FHIT: variants seen among roughly 807,000 people sequenced by gnomAD.
The protein encoded by FHIT is fragile histidine triad diadenosine triphosphatase.
A neutral mutation model predicts 17.9 loss-of-function variants in FHIT; 19 were observed. That is an observed-to-expected ratio of 1.06 (90% CI 0.74 to 1.56). The LOEUF is 1.56. Ranked by LOEUF, FHIT falls within the 40% of genes most tolerant of loss-of-function variation. The probability of loss-of-function intolerance (pLI) is 0.00; values close to 1 mark genes in which losing one functional copy is unlikely to be tolerated. For synonymous variants in FHIT, 81 were observed against 69.7 expected (o/e 1.16, Z -0.81); for missense variants, 248 against 189.2 (o/e 1.31, Z -1.82).
At chr3:61,168,171 AAAATGCCATTG>A in intron 2 of FHIT, among the ~76,000 whole-genome samples, 1 of 152,198 alleles carries the variant, frequency 6.6e-6, no homozygotes, top group East Asian at 1.9e-4. Flanking sequence ...ACCAATAAAT[AAAATGCCATTG>A]GTACACAGCC....
intron 5 of FHIT, among the ~76,000 whole-genome samples, chr3:60,267,147 A>G (rs766892503): frequency 2.0e-5 from 3 of 152,090 alleles, no homozygotes; most frequent in Non-Finnish European, 4.4e-5. Flanking sequence ...AAATCAATAG[A>G]AAGAGCTTGA....
intron 3 of FHIT, among the ~76,000 whole-genome samples, chr3:60,883,938 G>A (rs1417242231): frequency 6.6e-6 from 1 of 152,082 alleles, no homozygotes; most frequent in Non-Finnish European, 1.5e-5. Context: ...CCACAGAATG[G>A]GAGAAAATAT....
chr3:60,567,922 C>A (rs2037200519), intron 4 of FHIT, among the ~76,000 whole-genome samples: 1 of 152,158 alleles, frequency 6.6e-6, no homozygotes, highest in Non-Finnish European at 1.5e-5. Flanking sequence ...CATCTCTCAC[C>A]AGTTAGAATG....
intron 3 of FHIT, among the ~76,000 whole-genome samples, chr3:60,990,687 C>A (rs1465755766): frequency 6.6e-6 from 1 of 152,156 alleles, no homozygotes; most frequent in Non-Finnish European, 1.5e-5. Context: ...TGCTTCATTG[C>A]CAGAAGTCAA....
intron 6 of FHIT, among the ~76,000 whole-genome samples, chr3:60,012,203 G>C (rs1023955350): frequency 7.3e-5 from 11 of 151,250 alleles, no homozygotes; most frequent in Non-Finnish European, 1.6e-4. Context: ...AGTGGGTCAT[G>C]AAGTCAACTT....
chr3:59,777,386 A>C (rs986849786), intron 8 of FHIT, among the ~76,000 whole-genome samples: 1 of 152,108 alleles, frequency 6.6e-6, no homozygotes, highest in African/African-American at 2.4e-5. Context: ...ATAAAAAAAA[A>C]ACCCCTGACT....
chr3:59,794,972 T>C (rs1423735658), intron 8 of FHIT, among the ~76,000 whole-genome samples: 1 of 152,230 alleles, frequency 6.6e-6, no homozygotes, highest in African/African-American at 2.4e-5. Flanking sequence ...CTCAGTTTCC[T>C]CACCTGTAAA....
At chr3:59,903,961 G>A (rs950235024) in intron 8 of FHIT, among the ~76,000 whole-genome samples, 1 of 152,140 alleles carries the variant, frequency 6.6e-6, no homozygotes, top group Non-Finnish European at 1.5e-5. Flanking sequence ...GGTACAAAAG[G>A]GACTGGCTGA....
At chr3:60,872,243 G>A (rs1303325607) in intron 3 of FHIT, among the ~76,000 whole-genome samples, 4 of 152,042 alleles carry the variant, frequency 2.6e-5, no homozygotes. Context: ...ATGAGCGCTT[G>A]TTGCAAAAAA....
chr3:60,514,114 CT>C (rs2035055054), intron 5 of FHIT, among the ~76,000 whole-genome samples: 1 of 152,238 alleles, frequency 6.6e-6, no homozygotes, highest in African/African-American at 2.4e-5. Flanking sequence ...TCTGCACACA[CT>C]ACCCTTCAAT....
chr3:61,150,808 T>C (rs1219027196), intron 2 of FHIT, among the ~76,000 whole-genome samples: 1 of 152,126 alleles, frequency 6.6e-6, no homozygotes, highest in Non-Finnish European at 1.5e-5. Flanking sequence ...AGTCTACCAA[T>C]ATAACACAAC....
intron 3 of FHIT, among the ~76,000 whole-genome samples, chr3:60,870,154 T>C (rs782303439): frequency 2.0e-5 from 3 of 152,134 alleles, no homozygotes; most frequent in Non-Finnish European, 2.9e-5. Context: ...ATTTTCAGCA[T>C]GTATGAGCAA....
At chr3:60,335,594 T>C (rs1047688792) in intron 5 of FHIT, among the ~76,000 whole-genome samples, 1 of 152,180 alleles carries the variant, frequency 6.6e-6, no homozygotes, top group Non-Finnish European at 1.5e-5. Context: ...CACATCATCA[T>C]TGGGTACTTG....
intron 5 of FHIT, among the ~76,000 whole-genome samples, chr3:60,142,715 G>A (rs939457331): frequency 2.0e-5 from 3 of 150,044 alleles, no homozygotes; most frequent in African/African-American, 7.4e-5. Flanking sequence ...TAAGAGATGG[G>A]ATTTCACTAT....
At chr3:61,129,021 G>T (rs2036691478) in intron 2 of FHIT, among the ~76,000 whole-genome samples, 1 of 152,132 alleles carries the variant, frequency 6.6e-6, no homozygotes, top group Non-Finnish European at 1.5e-5. Context: ...AGGCATTACT[G>T]AATTGTATAT....
At chr3:60,129,276 C>A (rs1315932789) in intron 5 of FHIT, among the ~76,000 whole-genome samples, 1 of 151,984 alleles carries the variant, frequency 6.6e-6, no homozygotes, top group African/African-American at 2.4e-5. Flanking sequence ...TGGTCTTTAT[C>A]TCCTGAACTC....
chr3:59,896,522 AGTTT>A (rs1704079745), intron 8 of FHIT, among the ~76,000 whole-genome samples: 1 of 152,184 alleles, frequency 6.6e-6, no homozygotes, highest in East Asian at 1.9e-4. Context: ...TTAAATTAAC[AGTTT>A]GTTAGTATAA....
At chr3:60,876,631 C>T (rs1308557255) in intron 3 of FHIT, among the ~76,000 whole-genome samples, 1 of 152,150 alleles carries the variant, frequency 6.6e-6, no homozygotes, top group Non-Finnish European at 1.5e-5. Flanking sequence ...TTTAAGTAGA[C>T]ATTATTCTTT....
At chr3:60,076,790 C>A (rs1703027220) in intron 5 of FHIT, among the ~76,000 whole-genome samples, 1 of 106,262 alleles carries the variant, frequency 9.4e-6, no homozygotes, top group African/African-American at 3.4e-5. Flanking sequence ...TTAAAGCAAT[C>A]CTGATAAATA....
Sources: gnomAD v4.1 joint callset for allele counts (sites outside exome capture counted in the v4.1 genomes callset) on GRCh38, gnomAD v4.1.1 for gene constraint, MANE v1.5 for transcripts, NCBI Gene and HGNC (gene_info 2026-07-23, HGNC 2026-07-21) for gene names.